The following QKI variants were observed in gnomAD, a reference collection of about 807,000 sequenced individuals.
QKI encodes QKI, KH domain containing RNA binding, also known as KH domain-containing RNA-binding protein QKI.
In QKI, 10 loss-of-function variants were observed where a neutral mutation model predicts 39.0. The observed-to-expected ratio is 0.26, with a 90% CI of 0.16 to 0.43. The LOEUF (loss-of-function observed/expected upper bound fraction) is 0.43. Ranked by LOEUF, QKI falls within the 20% of genes least tolerant of loss-of-function variation. The pLI is 1.00. For missense variants in QKI, 218 were observed against 428.0 expected (o/e 0.51, Z 4.33); for synonymous variants, 204 against 155.4 (o/e 1.31, Z -2.33).
chr6:163,515,643 G>A (rs1779746076), intron 3 of QKI, among the ~76,000 whole-genome samples: 1 of 152,082 alleles, frequency 6.6e-6, no homozygotes, highest in South Asian at 2.1e-4. Flanking sequence ...TATTTGATTA[G>A]TGATAAAAAT....
intron 1 of QKI, among the ~76,000 whole-genome samples, chr6:163,416,982 C>T (rs1054037752): frequency 1.3e-5 from 2 of 151,834 alleles, no homozygotes; most frequent in Admixed American, 6.6e-5. Flanking sequence ...TAAGGGGCGC[C>T]AGTTATTTTT....
intron 1 of QKI, among the ~76,000 whole-genome samples, chr6:163,428,400 AT>A (rs1260095121): frequency 4.6e-5 from 7 of 152,168 alleles, no homozygotes; most frequent in Non-Finnish European, 2.9e-5. Context: ...CTTTGTAATT[AT>A]AAAGTCTTTA....
Position 163,456,822 on chromosome 6 carries a change from G to C in QKI, c.285+1401G>C, listed in dbSNP as rs150864783. Among the ~76,000 whole-genome samples, 4 of 152,136 alleles carry C rather than the reference G, an allele frequency of 2.6e-5. No individual in the cohort carries two copies. In the East Asian group the frequency reaches 7.7e-4, roughly 29 times the overall value. On this transcript the variant is annotated intron_variant, in intron 2 of 7. Coordinates refer to ENST00000361752, the MANE Select transcript of QKI (RefSeq NM_006775.3). ...GTGCCATGTTAGGCTAGGAATCAGGGCATCTGAGAACTTGAGCAGCAGGAG... is the reference window on the plus strand; with the variant it reads ...GTGCCATGTTAGGCTAGGAATCAGGCCATCTGAGAACTTGAGCAGCAGGAG...
intron 4 of QKI, among the ~76,000 whole-genome samples, chr6:163,546,553 A>G (rs139295367): frequency 4.5e-4 from 69 of 152,126 alleles, no homozygotes; most frequent in African/African-American, 1.6e-3. Flanking sequence ...CAGAAATCAC[A>G]TGTCCCTTAC....
chr6:163,468,921 C>A (rs539438355), intron 2 of QKI, among the ~76,000 whole-genome samples: 5 of 146,474 alleles, frequency 3.4e-5, no homozygotes, highest in Non-Finnish European at 7.5e-5. Flanking sequence ...TTTTTTTTTT[C>A]TTCATTCTCT....
rs1283149943 is a variant in QKI, at chr6:163,576,029, C to A, written c.*5319C>A. On this transcript the variant is annotated 3_prime_UTR_variant, in exon 8 of 8. Coordinates refer to ENST00000361752, the MANE Select transcript of QKI (RefSeq NM_006775.3). Reference sequence around the variant, plus strand: ...TTATTTAGCAAAAATTATTCTCCAACTTTTCGAATTCACAATTTTTCTAAG... The same window carrying A: ...TTATTTAGCAAAAATTATTCTCCAAATTTTCGAATTCACAATTTTTCTAAG... 6.6e-6 allele frequency: 1 copy of A among 152,140 alleles called. No individual in the cohort carries two copies. Among genetic ancestry groups the A allele is most frequent in the East Asian group, 1.9e-4 (1 of 5,192 alleles). 9.4% of individuals were successfully genotyped at this position (152,140 alleles called of 1,614,324 possible). A position where few individuals can be genotyped will look rare whatever the true frequency, so the allele number is the denominator to read the frequency against.
intron 4 of QKI, among the ~76,000 whole-genome samples, chr6:163,545,366 A>G (rs1177682097): frequency 6.6e-6 from 1 of 152,150 alleles, no homozygotes; most frequent in Non-Finnish European, 1.5e-5. Context: ...AATTAAAAGT[A>G]CCATTTGATT....
At chr6:163,454,145 T>G (rs1406085798) in intron 1 of QKI, among the ~76,000 whole-genome samples, 1 of 152,168 alleles carries the variant, frequency 6.6e-6, no homozygotes, top group Non-Finnish European at 1.5e-5. Flanking sequence ...AGAGAGACAT[T>G]ACATCTGCAT....
chr6:163,496,209 T>C (rs1438023342), intron 3 of QKI, among the ~76,000 whole-genome samples: 1 of 152,180 alleles, frequency 6.6e-6, no homozygotes, highest in Non-Finnish European at 1.5e-5. Context: ...ATATCTTTAC[T>C]TGGTTAGATG....
intron 1 of QKI, among the ~76,000 whole-genome samples, chr6:163,429,876 C>T (rs1788694835): frequency 6.6e-6 from 1 of 152,046 alleles, no homozygotes; most frequent in Non-Finnish European, 1.5e-5. Flanking sequence ...CAAATTCATT[C>T]CTTCAAGTTA....
chr6:163,532,304 TTGTC>T (rs1176375921), intron 3 of QKI, among the ~76,000 whole-genome samples: 2 of 152,228 alleles, frequency 1.3e-5, no homozygotes, highest in Non-Finnish European at 2.9e-5. Context: ...TTTAATGTCT[TTGTC>T]TATTTATAAT....
intron 4 of QKI, among the ~76,000 whole-genome samples, chr6:163,538,579 C>T (rs1448062043): frequency 6.6e-6 from 1 of 151,918 alleles, no homozygotes; most frequent in East Asian, 1.9e-4. Flanking sequence ...GGTTTTAGTC[C>T]GAGATGAGAA....
At chr6:163,515,235 A>T (rs1779722070) in intron 3 of QKI, among the ~76,000 whole-genome samples, 1 of 152,122 alleles carries the variant, frequency 6.6e-6, no homozygotes, top group Non-Finnish European at 1.5e-5. Context: ...TATGTCTAGG[A>T]TATGGAGAAA....
intron 3 of QKI, among the ~76,000 whole-genome samples, chr6:163,494,553 T>C (rs1371009963): frequency 6.6e-6 from 1 of 152,146 alleles, no homozygotes; most frequent in African/African-American, 2.4e-5. Context: ...TTTTTTGATA[T>C]TGAGATAGAA....
chr6:163,551,401 C>G (rs1347862060), intron 4 of QKI, among the ~76,000 whole-genome samples: 1 of 152,194 alleles, frequency 6.6e-6, no homozygotes, highest in Non-Finnish European at 1.5e-5. Context: ...GGTGGTAGCC[C>G]ATACTTCTTC....
rs1287815241 is a variant in QKI, at chr6:163,416,864, A to G, written c.142+1529A>G. Among the ~76,000 whole-genome samples the G allele has an allele frequency of 3.3e-5, 5 of 151,604 alleles. No individual in the cohort carries two copies. The East Asian group carries it at 5.8e-4, about 18-fold the overall frequency. On this transcript the variant is annotated intron_variant, in intron 1 of 7. Coordinates refer to ENST00000361752, the MANE Select transcript of QKI (RefSeq NM_006775.3). ...CCCTTTAAGGGGTTCTGCTTTTCCTATTTGTGTTGGCATTTGAAAGATTGT... is the reference window on the plus strand; with the variant it reads ...CCCTTTAAGGGGTTCTGCTTTTCCTGTTTGTGTTGGCATTTGAAAGATTGT...
chr6:163,477,834 C>T (rs748653540), intron 2 of QKI, among the ~76,000 whole-genome samples: 23 of 152,144 alleles, frequency 1.5e-4, no homozygotes, highest in Non-Finnish European at 2.1e-4. Context: ...GCCCTGATGG[C>T]AGTGGATTTT....
In QKI at chr6:163,549,397, A is replaced by G. The variant is rs143298186; in HGVS notation, c.547-12585A>G. Among the ~76,000 whole-genome samples, 11 of 152,244 alleles carry G rather than the reference A, an allele frequency of 7.2e-5. No homozygotes were observed. The East Asian group carries it at 2.1e-3, about 29-fold the overall frequency. On this transcript the variant is annotated intron_variant, in intron 4 of 7. Coordinates refer to ENST00000361752, the MANE Select transcript of QKI (RefSeq NM_006775.3). ...TAACTTAAGACTCAGTAAAAGACCA[A>G]CAGCTAGAAAACTTACTTCCTGAAA...
In QKI at chr6:163,495,104, C is replaced by G. The variant is rs1401914815; in HGVS notation, c.402+16208C>G. 2.0e-5 allele frequency among the ~76,000 whole-genome samples: 3 copies of G among 152,108 alleles called. No individual in the cohort carries two copies. The South Asian group carries it at 6.2e-4, about 32-fold the overall frequency. The stretch of plus-strand genomic sequence containing the variant: ...CTAATTTTTCTGTTTTTAGTAGAGA[C>G]AAGGTTTCACCAGTTGGCCACGCTG... On this transcript the variant is annotated intron_variant, in intron 3 of 7. Coordinates refer to ENST00000361752, the MANE Select transcript of QKI (RefSeq NM_006775.3).
Sources: allele counts gnomAD v4.1 joint callset (sites outside exome capture counted in the v4.1 genomes callset), GRCh38; gene constraint gnomAD v4.1.1; transcripts MANE v1.5; gene names NCBI Gene and HGNC (gene_info 2026-07-23, HGNC 2026-07-21).